Variants in KIAA1210 observed in about 807,000 individuals in gnomAD.
KIAA1210 encodes acrosomal protein KIAA1210.
Under a neutral mutation model 78.9 loss-of-function variants are expected in KIAA1210, and 48 were observed. The observed-to-expected ratio is 0.61, with a 90% CI of 0.48 to 0.77. The LOEUF (loss-of-function observed/expected upper bound fraction) is 0.77. Ranked by LOEUF, KIAA1210 falls within the 30% of genes least tolerant of loss-of-function variation. The pLI, the probability that KIAA1210 is intolerant of heterozygous loss-of-function variation, is 0.00. For synonymous variants in KIAA1210, 406 were observed against 404.5 expected, an observed-to-expected ratio of 1.00 and a Z score of -0.04; for missense variants, 1,108 against 1,100.0, an observed-to-expected ratio of 1.01 and a Z score of -0.10.
At chrX:119,136,405 C>T (rs1485259242) in intron 2 of KIAA1210, among the ~76,000 whole-genome samples, 2 of 112,356 alleles carry the variant, frequency 1.8e-5, no homozygotes, top group East Asian at 5.6e-4. Context: ...GAGAAATAGC[C>T]TTTTGGTCTC....
At position 119,085,363 on chromosome X, in the gene KIAA1210, T is replaced by C. The variant is rs764507076; in HGVS notation, c.4320+20A>G. ...CCAGCAACCTTTTTGGAGTGTTTTA[T>C]TGGCTACCCCAGGTCCTACCTCATA... On this transcript the variant is annotated intron_variant, in intron 10 of 11. Transcript: ENST00000691062. 1.1e-5 allele frequency: 13 copies of C among 1,190,918 alleles called. No individual in the cohort carries two copies. The highest frequency in any genetic ancestry group is 1.1e-5 in the Non-Finnish European group (10 of 886,800).
intron 4 of KIAA1210, 130 bp downstream of exon 4, chrX:119,108,946 C>G: frequency 1.6e-6 from 1 of 622,527 alleles, no homozygotes; most frequent in Non-Finnish European, 2.5e-6. Flanking sequence ...AGGCTTACAA[C>G]AGCCCTGTGG....
upstream of KIAA1210, among the ~76,000 whole-genome samples, chrX:119,127,970 G>C (rs180873257): frequency 2.9e-3 from 324 of 111,385 alleles, 1 homozygote; most frequent in African/African-American, 0.01. Flanking sequence ...GGTCGCCTTT[G>C]CTGGATCTCT....
chrX:119,089,135 G>A lies in KIAA1210; in HGVS notation c.1567C>T (p.His523Tyr). 1 of 1,211,601 alleles carries A rather than the reference G, an allele frequency of 8.3e-7. No homozygotes were observed. The highest frequency in any genetic ancestry group is 1.1e-6 in the Non-Finnish European group (1 of 895,241). The part of the protein sequence containing the change: ...AEAQVFMNPS[H>Y]IQLEDQEAFS... ...GCTTCTTGATCTTCTAACTGGATAT[G>A]AGAAGGATTCATAAACACCTGAGCC... The change falls in exon 9 of 12, where the codon CAT becomes TAT. Residue 523 changes from histidine to tyrosine, a missense_variant. By Grantham distance (83) the His-to-Tyr change is moderately conservative. Around this residue, in one of 5 missense-constraint regions of KIAA1210, gnomAD observed 672 missense variants for 607.1 expected, o/e 1.11. Coordinates refer to ENST00000691062, the MANE Select transcript of KIAA1210 (RefSeq NM_001394962.1).
In KIAA1210 at chrX:119,085,501, A is replaced by G; in HGVS notation, c.4202T>C (p.Val1401Ala). 8.3e-7 allele frequency: 1 copy of G among 1,210,990 alleles called. No individual in the cohort carries two copies. The highest frequency in any genetic ancestry group is 1.8e-5 in the South Asian group (1 of 56,813). The change falls in exon 10 of 12, where the codon GTT becomes GCT. Residue 1401 changes from valine to alanine, a missense_variant. Physicochemically the swap from Val to Ala is moderately conservative, Grantham distance 64. Coordinates refer to ENST00000691062, the MANE Select transcript of KIAA1210 (RefSeq NM_001394962.1). The stretch of plus-strand genomic sequence containing the variant: ...CTTCTGCTTTGCCATAGTTATCCAA[A>G]CCGGCTCTGAGACAGCATAATCTGA... Reference protein sequence around the residue: ...QQSDYAVSEPVWITMAKQKQK... With the variant: ...QQSDYAVSEPAWITMAKQKQK...
chrX:119,122,370 G>A (rs1301030731), intron 2 of KIAA1210, among the ~76,000 whole-genome samples: 1 of 111,598 alleles, frequency 9.0e-6, no homozygotes, highest in Non-Finnish European at 1.9e-5. Flanking sequence ...ACGCCCAGCT[G>A]GAAAGAAAAC....
chrX:119,130,089 G>A (rs1603271684), upstream of KIAA1210, among the ~76,000 whole-genome samples: 1 of 112,211 alleles, frequency 8.9e-6, no homozygotes, highest in Non-Finnish European at 1.9e-5. Flanking sequence ...AAAAGGCACA[G>A]TGTTCTCTCT....
chrX:119,104,850 T>C (rs1178227627), intron 6 of KIAA1210, 142 bp downstream of exon 6: 8 of 499,073 alleles, frequency 1.6e-5, no homozygotes, highest in African/African-American at 7.5e-5. Flanking sequence ...AAAACCACCA[T>C]GCAAATCAAA....
At chrX:119,082,088 A>G (rs1265657307) in intron 11 of KIAA1210, among the ~76,000 whole-genome samples, 3 of 111,969 alleles carry the variant, frequency 2.7e-5, no homozygotes, top group Non-Finnish European at 5.6e-5. Flanking sequence ...AGAATCAACC[A>G]GTGGTTCTCA....
intron 10 of KIAA1210, among the ~76,000 whole-genome samples, chrX:119,083,894 G>A (rs950406598): frequency 9.4e-6 from 1 of 106,468 alleles, no homozygotes; most frequent in Non-Finnish European, 1.9e-5. Flanking sequence ...CTACTATGGC[G>A]GGGATGAAGG....
chrX:119,121,035 C>G (rs991119044), intron 2 of KIAA1210, among the ~76,000 whole-genome samples: 2 of 111,333 alleles, frequency 1.8e-5, no homozygotes, highest in African/African-American at 6.5e-5. Flanking sequence ...ACCCCCCACC[C>G]CCACTATCCC....
rs778576590 is a variant in KIAA1210 at position 119,108,347 on chromosome X, T to G, written c.482A>C (p.Lys161Thr). The change falls in exon 5 of 12, where the codon AAG (lysine) becomes ACG (threonine). Residue 161 changes from lysine (K) to threonine (T), a missense_variant. Physicochemically the swap from Lys to Thr is moderately conservative, Grantham distance 78. Coordinates refer to ENST00000691062, the MANE Select transcript of KIAA1210 (RefSeq NM_001394962.1). ...PTSAVWVAGP[K>T]ITENPPSRRR... ...ATTCCACTTTGTTACCTCAGTGATC[T>G]TGGGGCCAGCAACCCAGACTGCACT... 1.3e-4 allele frequency: 161 copies of G among 1,207,726 alleles called. 2 individuals carry two copies. In the South Asian group the frequency reaches 2.6e-3, roughly 20 times the overall value.
rs1026798415 is a variant in KIAA1210 at position 119,142,486 on chromosome X, G to A, written c.410+4987C>T. On this transcript the variant is annotated intron_variant, in intron 2 of 13. Transcript: ENST00000402510. ...GGTTTGTGGAGATTACATGGTGAAA[G>A]AAAGGAAGGAGGTGGGCACAGTGCC... Among the ~76,000 whole-genome samples the A allele has an allele frequency of 9.3e-4, 104 of 111,632 alleles. 1 individual carries two copies. The highest frequency in any genetic ancestry group is 4.7e-4 in the Non-Finnish European group (25 of 53,058).
At position 119,079,641 on chromosome X, in the gene KIAA1210, G is replaced by A. The variant is rs971647409; in HGVS notation, c.*1688C>T. 2 of 111,419 alleles carry A rather than the reference G, an allele frequency of 1.8e-5. No homozygotes were observed. The highest frequency in any genetic ancestry group is 6.5e-5 in the African/African-American group (2 of 30,602). The allele number at this position is 111,419 out of a possible 1,213,427, so 9.2% of individuals were successfully genotyped here. A position where few individuals can be genotyped will look rare whatever the true frequency, so the allele number is the denominator to read the frequency against. On this transcript the variant is annotated 3_prime_UTR_variant, in exon 12 of 12. Transcript: ENST00000691062. ...AAAGACCGTGTGGCAAGATGGGAAG[G>A]GAGGCATCAACATTTGCTGGGCCAC...
At chrX:119,125,439 C>T (rs997176079) in intron 1 of KIAA1210, among the ~76,000 whole-genome samples, 2 of 108,590 alleles carry the variant, frequency 1.8e-5, no homozygotes, top group Non-Finnish European at 3.8e-5. Context: ...TAGTTAAAAA[C>T]GGGAAACAAC....
chrX:119,146,189 A>G (rs1298342209), intron 2 of KIAA1210, among the ~76,000 whole-genome samples: 1 of 112,312 alleles, frequency 8.9e-6, no homozygotes, highest in African/African-American at 3.2e-5. Context: ...AAGCTAGTGC[A>G]CAAAAAATAA....
chrX:119,112,159 C>G (rs939536094), intron 3 of KIAA1210, among the ~76,000 whole-genome samples: 5 of 111,692 alleles, frequency 4.5e-5, no homozygotes, highest in Non-Finnish European at 9.4e-5. Context: ...CCCCTTTATC[C>G]TCTGCCATGA....
intron 1 of KIAA1210, among the ~76,000 whole-genome samples, chrX:119,125,714 C>CATAT (rs1193124266): frequency 2.3e-4 from 1 of 4,436 alleles, no homozygotes; most frequent in African/African-American, 2.8e-4. Context: ...CCAGCTAATA[C>CATAT]ATATATATAT....
At chrX:119,119,550 A>G (rs1413843476) in intron 2 of KIAA1210, among the ~76,000 whole-genome samples, 1 of 112,473 alleles carries the variant, frequency 8.9e-6, no homozygotes, top group African/African-American at 3.2e-5. Context: ...TTCTACAATA[A>G]TAAAATATTT....
Sources: gnomAD v4.1 joint callset for allele counts (sites outside exome capture counted in the v4.1 genomes callset) on GRCh38, gnomAD v4.1.1 for gene constraint, gnomAD v4.1.1 regional missense constraint, MANE v1.5 for transcripts, NCBI Gene and HGNC (gene_info 2026-07-23, HGNC 2026-07-21) for gene names.